Variants in RB1 observed in about 807,000 individuals in gnomAD.
The protein encoded by RB1 is RB transcriptional corepressor 1.
Under a neutral mutation model 135.4 loss-of-function variants are expected in RB1, and 18 were observed. That is an observed-to-expected ratio of 0.13 (90% CI 0.09 to 0.20). The LOEUF is 0.20. RB1 is among the 10% of genes least tolerant of loss of function. The probability of loss-of-function intolerance (pLI) is 1.00; values close to 1 mark genes in which losing one functional copy is unlikely to be tolerated. For missense variants in RB1, 868 were observed against 1,110.0 expected (o/e 0.78, Z 3.10); for synonymous variants, 365 against 373.2 (o/e 0.98, Z 0.25).
intron 2 of RB1, among the ~76,000 whole-genome samples, chr13:48,336,497 T>C (rs1462621765): frequency 1.3e-5 from 2 of 152,162 alleles, no homozygotes; most frequent in African/African-American, 2.4e-5. Flanking sequence ...TATTCTCTGA[T>C]GGTAGTTTGT....
intron 2 of RB1, chr13:48,320,496 C>A: frequency 1.5e-6 from 1 of 658,488 alleles, no homozygotes; most frequent in Admixed American, 2.6e-5. Flanking sequence ...GGGAGGGACG[C>A]GCAGAGGGAC....
chr13:48,376,808 G>A lies in RB1; in HGVS notation c.1216-110G>A, dbSNP rs1269898087. On this transcript the variant is annotated intron_variant, in intron 12 of 26. Transcript: ENST00000267163. ...GTGGTTACCTAGTTATTATGGAAGT[G>A]TTTCCACATTTTTATGAACAATTTA... 31 of 1,536,468 alleles carry A rather than the reference G, an allele frequency of 2.0e-5. No homozygotes were observed. In the Admixed American group the frequency reaches 4.5e-4, roughly 22 times the overall value.
intron 2 of RB1, among the ~76,000 whole-genome samples, chr13:48,321,202 T>C (rs1952235410): frequency 6.6e-6 from 1 of 152,180 alleles, no homozygotes; most frequent in Admixed American, 6.5e-5. Flanking sequence ...TCTCTGGGGC[T>C]GGCCCATTTA....
chr13:48,419,860 G>T (rs1387462049), intron 17 of RB1, among the ~76,000 whole-genome samples: 1 of 152,150 alleles, frequency 6.6e-6, no homozygotes, highest in Non-Finnish European at 1.5e-5. Context: ...TCCCTGAATA[G>T]ACCAATAACA....
intron 7 of RB1, among the ~76,000 whole-genome samples, chr13:48,360,984 A>G (rs4151481): frequency 2.6e-5 from 4 of 152,276 alleles, no homozygotes; most frequent in Non-Finnish European, 1.5e-5. Flanking sequence ...AATTTAGTGG[A>G]AAAATTAAGT....
intron 17 of RB1, chr13:48,401,222 A>G (rs1566206378): frequency 1.3e-5 from 2 of 152,188 alleles, no homozygotes; most frequent in Non-Finnish European, 2.9e-5. Flanking sequence ...ACTCTTATTC[A>G]GAGAATTTTA....
At chr13:48,424,357 A>G (rs1949049950) in intron 17 of RB1, among the ~76,000 whole-genome samples, 1 of 152,198 alleles carries the variant, frequency 6.6e-6, no homozygotes, top group South Asian at 2.1e-4. Context: ...AATGTGAGTC[A>G]TCTACCCAAG....
intron 3 of RB1, among the ~76,000 whole-genome samples, chr13:48,342,998 C>T (rs1440407639): frequency 1.3e-5 from 2 of 151,980 alleles, no homozygotes; most frequent in Non-Finnish European, 2.9e-5. Flanking sequence ...ATAAAGTGAA[C>T]AGAAAAGCAA....
intron 17 of RB1, among the ~76,000 whole-genome samples, chr13:48,440,192 C>G (rs964384348): frequency 6.6e-6 from 1 of 152,044 alleles, no homozygotes; most frequent in Non-Finnish European, 1.5e-5. Flanking sequence ...TATATGCTGC[C>G]TCCCAAATAA....
chr13:48,386,739 T>A (rs1948574136), intron 17 of RB1, among the ~76,000 whole-genome samples: 1 of 152,160 alleles, frequency 6.6e-6, no homozygotes, highest in Non-Finnish European at 1.5e-5. Context: ...TCCTAATATA[T>A]AAAATACTTT....
Position 48,364,922 on chromosome 13 carries a change from T to G in RB1, c.890T>G (p.Ile297Arg). The G allele has an allele frequency of 6.4e-7, 1 of 1,565,710 alleles. No homozygotes were observed. The highest frequency in any genetic ancestry group is 8.7e-7 in the Non-Finnish European group (1 of 1,151,386). The change falls in exon 9 of 27, where the codon ATA becomes AGA. Residue 297 changes from isoleucine to arginine, a missense_variant. Ile to Arg is a moderately conservative substitution (Grantham distance 97, BLOSUM62 -3). Transcript: ENST00000267163. ...AAAAATGTTTATTTCAAAAATTTTATACCTTTTATGAATTCTCTTGGACTT... is the reference window on the plus strand; with the variant it reads ...AAAAATGTTTATTTCAAAAATTTTAGACCTTTTATGAATTCTCTTGGACTT... ...EVKNVYFKNF[I>R]PFMNSLGLVT...
intron 17 of RB1, among the ~76,000 whole-genome samples, chr13:48,428,819 C>A (rs1176774802): frequency 6.6e-6 from 1 of 152,110 alleles, no homozygotes; most frequent in South Asian, 2.1e-4. Context: ...ATAATTAGAA[C>A]AAGGGTTTTC....
chr13:48,335,971 A>C (rs1952381485), intron 2 of RB1, among the ~76,000 whole-genome samples: 1 of 152,010 alleles, frequency 6.6e-6, no homozygotes, highest in African/African-American at 2.4e-5. Context: ...CCCCATGAAA[A>C]AGTTGTGAGA....
chr13:48,403,613 G>C (rs1373770956), intron 17 of RB1, among the ~76,000 whole-genome samples: 1 of 152,142 alleles, frequency 6.6e-6, no homozygotes, highest in Non-Finnish European at 1.5e-5. Flanking sequence ...CTAAAGTGCT[G>C]TTTGGCAATG....
intron 2 of RB1, among the ~76,000 whole-genome samples, chr13:48,321,792 G>T (rs986503313): frequency 6.6e-6 from 1 of 152,106 alleles, no homozygotes; most frequent in South Asian, 2.1e-4. Flanking sequence ...GGAGGCGGAG[G>T]TTGCAGTGAG....
chr13:48,456,689 C>T (rs146822817), intron 19 of RB1, among the ~76,000 whole-genome samples: 2 of 152,288 alleles, frequency 1.3e-5, no homozygotes, highest in Non-Finnish European at 2.9e-5. Flanking sequence ...AGACATGGAA[C>T]GGAGAGGGGT....
rs146161073 is a variant in RB1, at chr13:48,321,164, G to A, written c.264+13758G>A. 9.9e-3 allele frequency among the ~76,000 whole-genome samples: 1,513 copies of A among 152,156 alleles called. 33 individuals are homozygous for A. Among genetic ancestry groups the A allele is most frequent in the African/African-American group, 0.035 (1,434 of 41,518 alleles). ...TGCCTGCGCTTGCGTCCCGCGTCCC[G>A]CATCCGGGGGGAGGCGGCGGGCCCG... is the stretch of plus-strand genomic sequence containing the variant. On this transcript the variant is annotated intron_variant, in intron 2 of 26. Transcript: ENST00000267163.
In RB1 at chr13:48,334,739, A is replaced by G. The variant is rs548948929; in HGVS notation, c.265-7860A>G. Among the ~76,000 whole-genome samples the G allele has an allele frequency of 7.2e-5, 11 of 152,302 alleles. No homozygotes were observed. In the South Asian group the frequency reaches 1.7e-3, roughly 23 times the overall value. On this transcript the variant is annotated intron_variant, in intron 2 of 26. Transcript: ENST00000267163. The stretch of plus-strand genomic sequence containing the variant: ...TGTCACCACTTGGTGGAGCTCTTTT[A>G]TAAGTAAGTGCATTGTTTAAAAAAG...
At chr13:48,344,227 T>G (rs1374336938) in intron 3 of RB1, among the ~76,000 whole-genome samples, 1 of 152,254 alleles carries the variant, frequency 6.6e-6, no homozygotes, top group Non-Finnish European at 1.5e-5. Context: ...TTATTTAAAC[T>G]GCTTAAATTA....
Sources: gnomAD v4.1 joint callset for allele counts (sites outside exome capture counted in the v4.1 genomes callset) on GRCh38, gnomAD v4.1.1 for gene constraint, MANE v1.5 for transcripts, NCBI Gene and HGNC (gene_info 2026-07-23, HGNC 2026-07-21) for gene names.